The following SLCO1B3 variants were observed in gnomAD, a reference collection of about 807,000 sequenced individuals.
SLCO1B3 encodes liver-specific organic anion transporter 2.
SLCO1B3 carries 72 observed loss-of-function variants against 71.8 expected under a neutral mutation model. The observed-to-expected ratio is 1.00, with a 90% CI of 0.83 to 1.22. The LOEUF is 1.22. SLCO1B3 is among the 50% of genes most tolerant of loss of function. The pLI is 0.00. For synonymous variants in SLCO1B3, 298 were observed against 278.4 expected, an observed-to-expected ratio of 1.07 and a Z score of -0.70; for missense variants, 911 against 819.7, an observed-to-expected ratio of 1.11 and a Z score of -1.36.
chr12:20,858,593 G>A lies in SLCO1B3; in HGVS notation c.359+22G>A, dbSNP rs180904922. The stretch of plus-strand genomic sequence containing the variant: ...GATAGTAAGTGTTAAACAGCTCTGA[G>A]CCATTTATTATCAGCTACTTGTAAA... On this transcript the variant is annotated intron_variant, in intron 5 of 15. Coordinates refer to ENST00000381545, the MANE Select transcript of SLCO1B3 (RefSeq NM_019844.4). 4.9e-5 allele frequency: 78 copies of A among 1,580,626 alleles called. No homozygotes were observed. In the African/African-American group the frequency reaches 9.4e-4, roughly 19 times the overall value.
At chr12:20,908,922 C>G (rs546994288) in intron 15 of SLCO1B3, among the ~76,000 whole-genome samples, 1 of 152,256 alleles carries the variant, frequency 6.6e-6, no homozygotes, top group African/African-American at 2.4e-5. Context: ...ATTACTTGAT[C>G]ATATGATAAA....
intron 14 of SLCO1B3, among the ~76,000 whole-genome samples, chr12:20,898,828 C>T (rs183800678): frequency 3.3e-5 from 5 of 152,112 alleles, no homozygotes; most frequent in African/African-American, 9.7e-5. Context: ...CCCAGGTATA[C>T]GCAGAGTGGA....
At chr12:20,829,101 A>G (rs565717655) in intron 3 of SLCO1B3, among the ~76,000 whole-genome samples, 1 of 152,326 alleles carries the variant, frequency 6.6e-6, no homozygotes, top group South Asian at 2.1e-4. Context: ...GAGTTGGTCA[A>G]ACCTAACGGG....
intron 3 of SLCO1B3, among the ~76,000 whole-genome samples, chr12:20,829,342 G>A (rs1451416535): frequency 6.6e-6 from 1 of 152,230 alleles, no homozygotes; most frequent in African/African-American, 2.4e-5. Context: ...TACCATCCTA[G>A]AAGCAGGGAA....
chr12:20,875,342 T>G lies in SLCO1B3; in HGVS notation c.835T>G (p.Leu279Val), dbSNP rs1865557753. The change falls in exon 9 of 16, where the codon TTG becomes GTG. Residue 279 changes from leucine to valine, a missense_variant. Transcript: ENST00000381545. ...SIISSIPFFF[L>V]PKNPNKPQKE... ...TATTTCTTCCATACCATTTTTTTTCTTGCCGAAAAATCCAAATAAACCACA... is the reference window on the plus strand; with the variant it reads ...TATTTCTTCCATACCATTTTTTTTCGTGCCGAAAAATCCAAATAAACCACA... 6.2e-7 allele frequency: 1 copy of G among 1,613,458 alleles called. No individual in the cohort carries two copies. The highest frequency in any genetic ancestry group is 1.1e-5 in the South Asian group (1 of 90,900).
chr12:20,902,106 G>A (rs748616919), intron 15 of SLCO1B3: 3 of 236,088 alleles, frequency 1.3e-5, no homozygotes, highest in African/African-American at 2.4e-5. Flanking sequence ...AAATGTGTTT[G>A]TAAGTATGAC....
intron 3 of SLCO1B3, among the ~76,000 whole-genome samples, chr12:20,820,400 G>A (rs1283856269): frequency 2.6e-5 from 4 of 152,122 alleles, no homozygotes; most frequent in African/African-American, 7.2e-5. Flanking sequence ...GATGGGACAC[G>A]GCTTAGGAGG....
chr12:20,860,898 T>G (rs549176695), intron 5 of SLCO1B3, 119 bp from the exon 6 acceptor site: 1 of 1,017,138 alleles, frequency 9.8e-7, no homozygotes, highest in Admixed American at 3.0e-5. Context: ...ACAAACAAGA[T>G]TCTGGTAATT....
At chr12:20,903,043 C>T (rs946290305) in intron 15 of SLCO1B3, among the ~76,000 whole-genome samples, 9 of 146,426 alleles carry the variant, frequency 6.1e-5, no homozygotes, top group African/African-American at 2.3e-4. Context: ...CTGCACACTC[C>T]AGCCTGGGCG....
intron 3 of SLCO1B3, among the ~76,000 whole-genome samples, chr12:20,818,774 C>T (rs185837507): frequency 3.3e-5 from 5 of 152,078 alleles, no homozygotes; most frequent in Non-Finnish European, 5.9e-5. Flanking sequence ...ATAAATCAAG[C>T]GTGATCAGGG....
At chr12:20,814,742 T>A (rs1298529522) in intron 2 of SLCO1B3, among the ~76,000 whole-genome samples, 2 of 151,862 alleles carry the variant, frequency 1.3e-5, no homozygotes, top group South Asian at 2.1e-4. Context: ...TACAAAACAA[T>A]TAGCCGGGCG....
intron 14 of SLCO1B3, among the ~76,000 whole-genome samples, chr12:20,898,829 G>T (rs1317261806): frequency 6.6e-6 from 1 of 152,078 alleles, no homozygotes; most frequent in Non-Finnish European, 1.5e-5. Flanking sequence ...CCAGGTATAC[G>T]CAGAGTGGAG....
At chr12:20,852,779 T>C (rs1048068427) in intron 3 of SLCO1B3, among the ~76,000 whole-genome samples, 1 of 152,192 alleles carries the variant, frequency 6.6e-6, no homozygotes, top group African/African-American at 2.4e-5. Flanking sequence ...GAATGTTGAT[T>C]TGTGTCCTGC....
Position 20,916,728 on chromosome 12 carries a change from G to T in SLCO1B3, c.*481G>T, listed in dbSNP as rs2120489968. The T allele has an allele frequency of 6.6e-6, 1 of 152,204 alleles. No individual in the cohort carries two copies. The highest frequency in any genetic ancestry group is 3.4e-3 in the Middle Eastern group (1 of 292). The allele number at this position is 152,204 out of a possible 1,614,324, so 9.4% of individuals were successfully genotyped here. Reference sequence around the variant, plus strand: ...TATTATTAATTTAAAATTTGAATTTGTGTTTGACTAACAACCTCGATGGAT... The same window carrying T: ...TATTATTAATTTAAAATTTGAATTTTTGTTTGACTAACAACCTCGATGGAT... On this transcript the variant is annotated 3_prime_UTR_variant, in exon 16 of 16. Transcript: ENST00000381545.
At chr12:20,911,240 A>T (rs1866368271) in intron 15 of SLCO1B3, among the ~76,000 whole-genome samples, 1 of 152,168 alleles carries the variant, frequency 6.6e-6, no homozygotes, top group South Asian at 2.1e-4. Context: ...ATGTTAATAT[A>T]ATAAATTATA....
intron 3 of SLCO1B3, among the ~76,000 whole-genome samples, chr12:20,848,309 G>A (rs1864955987): frequency 6.6e-6 from 1 of 152,166 alleles, no homozygotes; most frequent in Non-Finnish European, 1.5e-5. Context: ...ATTAGAGTGA[G>A]TAACATTCCA....
At chr12:20,852,982 G>A (rs556634351) in intron 3 of SLCO1B3, among the ~76,000 whole-genome samples, 2 of 152,140 alleles carry the variant, frequency 1.3e-5, no homozygotes, top group East Asian at 1.9e-4. Flanking sequence ...TTAGGAGTGG[G>A]CATCTTGTCA....
At position 20,880,903 on chromosome 12, in the gene SLCO1B3, C is replaced by A; in HGVS notation, c.1380C>A (p.Asn460Lys). 2 of 1,610,338 alleles carry A rather than the reference C, an allele frequency of 1.2e-6. No individual in the cohort carries two copies. Among genetic ancestry groups the A allele is most frequent in the Non-Finnish European group, 1.7e-6 (2 of 1,176,950 alleles). Reference sequence around the variant, plus strand: ...TAGATGTACCACTTTCTTATTGCAACTCAGAGTGCAATTGTGATGAAAGTC... The same window carrying A: ...TAGATGTACCACTTTCTTATTGCAAATCAGAGTGCAATTGTGATGAAAGTC... ...SHVDVPLSYC[N>K]SECNCDESQW... Residue 460 changes from asparagine to lysine, a missense_variant, in exon 12 of 16, where the codon AAC (asparagine) becomes AAA (lysine). Coordinates refer to ENST00000381545, the MANE Select transcript of SLCO1B3 (RefSeq NM_019844.4).
At chr12:20,838,597 A>G (rs986204086) in intron 3 of SLCO1B3, among the ~76,000 whole-genome samples, 1 of 152,074 alleles carries the variant, frequency 6.6e-6, no homozygotes, top group Non-Finnish European at 1.5e-5. Context: ...CACCTAGGCT[A>G]TATGTTATAG....
Sources: gnomAD v4.1 joint callset for allele counts (sites outside exome capture counted in the v4.1 genomes callset) on GRCh38, gnomAD v4.1.1 for gene constraint, MANE v1.5 for transcripts, NCBI Gene and HGNC (gene_info 2026-07-23, HGNC 2026-07-21) for gene names.